ADAM12: variants seen among roughly 807,000 people sequenced by gnomAD.
The protein encoded by ADAM12 is ADAM metallopeptidase domain 12.
ADAM12 carries 70 observed loss-of-function variants against 106.4 expected under a neutral mutation model. The observed-to-expected ratio is 0.66, with a 90% CI of 0.54 to 0.80. The LOEUF (loss-of-function observed/expected upper bound fraction) is 0.80, where lower values mean the gene tolerates loss of function less well. ADAM12 is among the 30% of genes least tolerant of loss of function. ADAM12 has a pLI of 0.00. For missense variants in ADAM12, 1,010 were observed against 1,171.9 expected, an observed-to-expected ratio of 0.86 and a Z score of 2.02; for synonymous variants, 420 against 433.5, an observed-to-expected ratio of 0.97 and a Z score of 0.39.
chr10:126,174,743 A>T (rs1471264390), intron 3 of ADAM12, among the ~76,000 whole-genome samples: 3 of 148,728 alleles, frequency 2.0e-5, no homozygotes, highest in Admixed American at 6.7e-5. Context: ...TGAGGACCAC[A>T]GTCCTCACCC....
chr10:126,281,027 C>T (rs772119271), intron 2 of ADAM12, among the ~76,000 whole-genome samples: 2 of 152,100 alleles, frequency 1.3e-5, no homozygotes, highest in Non-Finnish European at 2.9e-5. Context: ...TATTTGCTTT[C>T]GAGTCCATCA....
In ADAM12 at chr10:126,155,210, C is replaced by T; in HGVS notation, c.339+17G>A. The T allele has an allele frequency of 6.2e-7, 1 of 1,612,846 alleles. No homozygotes were observed. Among genetic ancestry groups the T allele is most frequent in the Non-Finnish European group, 8.5e-7 (1 of 1,178,932 alleles). ...CAGTGGTGTAAGATTATGGTGATCC[C>T]AACGTGCCAGAATTACCGTGTAATT... On this transcript the variant is annotated intron_variant, in intron 4 of 22. Transcript: ENST00000448723.
In ADAM12 at chr10:126,066,157, A is replaced by T. The variant is rs1954863219; in HGVS notation, c.1413+560T>A. On this transcript the variant is annotated intron_variant, in intron 13 of 22. Coordinates refer to ENST00000448723, the MANE Select transcript of ADAM12 (RefSeq NM_001288973.2). This position sits in a 1 kb window ranked among gnomAD's most constrained non-coding sequence, Gnocchi z 5.1. ...TCTCAGATATCAGCTCTGAATAATG[A>T]GACAATGGAACTGCCAAAAGAAACG... Among the ~76,000 whole-genome samples the T allele has an allele frequency of 6.6e-6, 1 of 152,192 alleles. No homozygotes were observed. The highest frequency in any genetic ancestry group is 2.1e-4 in the South Asian group (1 of 4,834).
At chr10:126,050,882 C>A (rs558863333) in intron 14 of ADAM12, among the ~76,000 whole-genome samples, 1 of 152,234 alleles carries the variant, frequency 6.6e-6, no homozygotes, top group African/African-American at 2.4e-5. Context: ...TTTTATAAGC[C>A]ATGTTAGAGA....
At chr10:126,295,299 G>T (rs1238315119) in intron 2 of ADAM12, among the ~76,000 whole-genome samples, 1 of 152,120 alleles carries the variant, frequency 6.6e-6, no homozygotes, top group African/African-American at 2.4e-5. Flanking sequence ...TACTATGCCA[G>T]CTGGGAGGAC....
chr10:126,155,404 C>CAT, intron 3 of ADAM12, 99 bp from the exon 4 acceptor site: 1 of 807,504 alleles, frequency 1.2e-6, no homozygotes, highest in Non-Finnish European at 1.8e-6. Context: ...TTGTGACCTC[C>CAT]TTTTTTTTTT....
Position 126,112,760 on chromosome 10 carries a change from T to A in ADAM12, c.604-2920A>T, listed in dbSNP as rs576106584. On this transcript the variant is annotated intron_variant, in intron 6 of 22. Coordinates refer to ENST00000448723, the MANE Select transcript of ADAM12 (RefSeq NM_001288973.2). ...CCCATGCTATCTACCAGGGATGCTG[T>A]TTGCACTAGGCCCTGTGTAGGGTGC... 2.0e-5 allele frequency among the ~76,000 whole-genome samples: 3 copies of A among 152,302 alleles called. No homozygotes were observed. In the South Asian group the frequency reaches 6.2e-4, roughly 32 times the overall value.
intron 3 of ADAM12, among the ~76,000 whole-genome samples, chr10:126,191,475 G>C (rs866754661): frequency 3.9e-5 from 6 of 152,040 alleles, no homozygotes; most frequent in Non-Finnish European, 7.4e-5. Flanking sequence ...CTGGTTCAGC[G>C]CAGGGTCACT....
At position 126,132,531 on chromosome 10, in the gene ADAM12, C is replaced by G. The variant is rs543039487; in HGVS notation, c.416+3053G>C. Among the ~76,000 whole-genome samples, 63 of 140,204 alleles carry G rather than the reference C, an allele frequency of 4.5e-4. 1 individual carries two copies. The highest frequency in any genetic ancestry group is 1.3e-3 in the African/African-American group (47 of 37,384). The allele number at this position is 140,204 out of a possible 152,430, so 92.0% of individuals were successfully genotyped here. ...CAGGAGTGCTGCATGAACACCCCCC[C>G]CCCCTCAACTAGTCCAGTCCCAGAA... On this transcript the variant is annotated intron_variant, in intron 5 of 22. Transcript: ENST00000448723.
At chr10:126,203,395 C>T (rs1336638414) in intron 3 of ADAM12, among the ~76,000 whole-genome samples, 1 of 152,186 alleles carries the variant, frequency 6.6e-6, no homozygotes, top group African/African-American at 2.4e-5. Context: ...AATATTGCAA[C>T]AGACGTTTTA....
intron 1 of ADAM12, among the ~76,000 whole-genome samples, chr10:126,358,652 G>T (rs994128365): frequency 1.3e-5 from 2 of 152,114 alleles, no homozygotes; most frequent in Non-Finnish European, 2.9e-5. Context: ...GAGCAATTTT[G>T]CAAGAGAAAG....
intron 4 of ADAM12, among the ~76,000 whole-genome samples, chr10:126,148,775 G>T (rs1036415000): frequency 3.3e-5 from 5 of 152,060 alleles, no homozygotes; most frequent in Non-Finnish European, 5.9e-5. Context: ...TTCTGGAGAG[G>T]ATACTAGTTT....
At chr10:126,031,699 TG>T (rs1204267631) in intron 21 of ADAM12, among the ~76,000 whole-genome samples, 1 of 152,144 alleles carries the variant, frequency 6.6e-6, no homozygotes, top group African/African-American at 2.4e-5. Flanking sequence ...GCCAGACTGG[TG>T]AGTCTTGTGT....
At chr10:126,316,156 A>C (rs1172687983) in intron 2 of ADAM12, among the ~76,000 whole-genome samples, 1 of 152,216 alleles carries the variant, frequency 6.6e-6, no homozygotes, top group Non-Finnish European at 1.5e-5. Flanking sequence ...GGAGGAGTTA[A>C]CATTTCTAAG....
intron 3 of ADAM12, among the ~76,000 whole-genome samples, chr10:126,258,935 G>A (rs552937716): frequency 1.5e-4 from 23 of 152,302 alleles, no homozygotes; most frequent in African/African-American, 5.5e-4. Context: ...GCTCTTTGAG[G>A]TCAAGGGCTG....
At chr10:126,037,300 T>TTC (rs1554960085) in intron 20 of ADAM12, among the ~76,000 whole-genome samples, 10 of 151,310 alleles carry the variant, frequency 6.6e-5, no homozygotes, top group Non-Finnish European at 4.4e-5. Context: ...TTTTTTTTTT[T>TTC]AATAGAGCTG....
intron 2 of ADAM12, among the ~76,000 whole-genome samples, chr10:126,304,973 A>G (rs1960783706): frequency 6.6e-6 from 1 of 152,056 alleles, no homozygotes; most frequent in Non-Finnish European, 1.5e-5. Context: ...CACCACCGAC[A>G]TATAATGTAT....
chr10:126,304,794 A>C (rs1007488606), intron 2 of ADAM12, among the ~76,000 whole-genome samples: 6 of 149,712 alleles, frequency 4.0e-5, no homozygotes, highest in Non-Finnish European at 8.9e-5. Flanking sequence ...GAACGTTTAC[A>C]AAAAAAAAAT....
intron 3 of ADAM12, among the ~76,000 whole-genome samples, chr10:126,173,002 C>G (rs1000227565): frequency 6.6e-6 from 1 of 152,146 alleles, no homozygotes; most frequent in African/African-American, 2.4e-5. Context: ...CAAACTAACA[C>G]AAGAACAGAA....
Sources: gnomAD v4.1 joint callset for allele counts (sites outside exome capture counted in the v4.1 genomes callset) on GRCh38, gnomAD v4.1.1 for gene constraint, Gnocchi (gnomAD v3.1) non-coding constraint, MANE v1.5 for transcripts, NCBI Gene and HGNC (gene_info 2026-07-23, HGNC 2026-07-21) for gene names.